UGT1A4: variants seen among roughly 807,000 people sequenced by gnomAD.
UGT1A4 encodes the protein UDP glucuronosyltransferase family 1 member A4.
UGT1A4 carries 32 observed loss-of-function variants against 41.1 expected under a neutral mutation model. That is an observed-to-expected ratio of 0.78 (90% CI 0.59 to 1.05). The LOEUF (loss-of-function observed/expected upper bound fraction) is 1.05. Among genes scored for constraint, UGT1A4 ranks in the 50% least tolerant of loss-of-function variants. The pLI, the probability that UGT1A4 is intolerant of heterozygous loss-of-function variation, is 0.00. For synonymous variants in UGT1A4, 283 were observed against 265.1 expected (o/e 1.07, Z -0.66); for missense variants, 748 against 677.4 (o/e 1.10, Z -1.16).
intron 1 of UGT1A4, chr2:233,747,707 A>C (rs1693758037): frequency 1.2e-6 from 2 of 1,612,800 alleles, no homozygotes; most frequent in East Asian, 4.5e-5. Context: ...CTAAGTACCT[A>C]TCAATTCCTG....
rs34150486 is a variant in UGT1A4, at chr2:233,743,623, G to C, written c.868-23411G>C. The stretch of plus-strand genomic sequence containing the variant: ...GGCCGCCGAAGAACTCCCTGAAGAC[G>C]TCGGCTGGGTCGCGGAAGCTGAAGA... On this transcript the variant is annotated intron_variant, in intron 1 of 4. Coordinates refer to ENST00000373409, the MANE Select transcript of UGT1A4 (RefSeq NM_007120.3). The C allele has an allele frequency of 7.3e-5, 100 of 1,367,326 alleles. 1 individual carries two copies. In the East Asian group the frequency reaches 1.5e-3, roughly 20 times the overall value. The allele number at this position is 1,367,326 out of a possible 1,614,324, so 84.7% of individuals were successfully genotyped here. A position where few individuals can be genotyped will look rare whatever the true frequency, so the allele number is the denominator to read the frequency against.
chr2:233,721,842 C>T (rs2076975101), intron 1 of UGT1A4: 2 of 515,392 alleles, frequency 3.9e-6, no homozygotes, highest in African/African-American at 1.9e-5. Flanking sequence ...GACCTTGTGT[C>T]CAGCCCCACT....
Position 233,769,836 on chromosome 2 carries a change from C to T in UGT1A4, c.1307+1397C>T. ...TGCCACTGCACTCCAGCAACCTGGGCAACAGAGTGAGACCCTGTCTCAAAA... is the reference window on the plus strand; with the variant it reads ...TGCCACTGCACTCCAGCAACCTGGGTAACAGAGTGAGACCCTGTCTCAAAA... On this transcript the variant is annotated intron_variant, in intron 4 of 4. Coordinates refer to ENST00000373409, the MANE Select transcript of UGT1A4 (RefSeq NM_007120.3). This position sits in a 1 kb window ranked among gnomAD's most constrained non-coding sequence, Gnocchi z 4.4. 7.4e-6 allele frequency: 4 copies of T among 538,192 alleles called. No individual in the cohort carries two copies. The highest frequency in any genetic ancestry group is 1.1e-5 in the Non-Finnish European group (4 of 353,822). 33.3% of individuals were successfully genotyped at this position (538,192 alleles called of 1,614,324 possible).
rs149017068 is a variant in UGT1A4, at chr2:233,718,939, C to A, written c.119C>A (p.Pro40His). The change falls in exon 1 of 5, where the codon CCC becomes CAC. Residue 40 changes from proline (P) to histidine (H), a missense_variant. Pro to His is a moderately conservative substitution (Grantham distance 77). Transcript: ENST00000373409. ...KVLVVPTDGSPWLSMREALRE... is the reference protein window; with the variant it reads ...KVLVVPTDGSHWLSMREALRE... ...TTGGTGGTGCCCACTGATGGCAGCC[C>A]CTGGCTCAGCATGCGGGAGGCCTTG... 2.6e-4 allele frequency: 420 copies of A among 1,614,132 alleles called. No homozygotes were observed. Among genetic ancestry groups the A allele is most frequent in the Non-Finnish European group, 3.2e-4 (374 of 1,179,996 alleles).
chr2:233,755,087 T>C (rs758822469), intron 1 of UGT1A4: 3 of 1,335,764 alleles, frequency 2.2e-6, no homozygotes, highest in South Asian at 1.1e-5. Flanking sequence ...AGATATCGCG[T>C]TTCTACGCGT....
chr2:233,746,306 G>A (rs1693354657), intron 1 of UGT1A4, among the ~76,000 whole-genome samples: 2 of 151,750 alleles, frequency 1.3e-5, no homozygotes, highest in Admixed American at 6.5e-5. Flanking sequence ...TTCCCTTGGA[G>A]GGCCCTGTAG....
chr2:233,762,669 A>T (rs1575790989), intron 1 of UGT1A4, among the ~76,000 whole-genome samples: 1 of 150,304 alleles, frequency 6.7e-6, no homozygotes, highest in Non-Finnish European at 1.5e-5. Flanking sequence ...TTTAAAAAAC[A>T]TTTGTTCTGT....
intron 1 of UGT1A4, among the ~76,000 whole-genome samples, chr2:233,738,676 G>T (rs1690872856): frequency 6.6e-6 from 1 of 152,190 alleles, no homozygotes; most frequent in African/African-American, 2.4e-5. Flanking sequence ...GAGATGATCT[G>T]AAATTGGAAC....
chr2:233,762,815 T>C (rs1334118608), intron 1 of UGT1A4, among the ~76,000 whole-genome samples: 4 of 152,182 alleles, frequency 2.6e-5, no homozygotes, highest in Non-Finnish European at 5.9e-5. Flanking sequence ...ATCAAAATAT[T>C]GATTTTCATA....
At chr2:233,755,148 T>TAGC in intron 1 of UGT1A4, 2 of 1,299,464 alleles carry the variant, frequency 1.5e-6, no homozygotes, top group East Asian at 9.2e-5. Context: ...TCTCACCGCT[T>TAGC]CCTCCCTGTC....
intron 1 of UGT1A4, among the ~76,000 whole-genome samples, chr2:233,737,122 TTGTC>T (rs1485045027): frequency 6.6e-6 from 1 of 152,146 alleles, no homozygotes; most frequent in Admixed American, 6.5e-5. Context: ...TGTTCAGAAG[TTGTC>T]TGCTGCCTTT....
rs762751427 is a variant in UGT1A4 at position 233,729,397 on chromosome 2, C to G, written c.867+9710C>G. ...TTCGTGGACCCAGGATGAATTTGAT[C>G]GCCATGTGCTGGGCCACACTCAACT... On this transcript the variant is annotated intron_variant, in intron 1 of 4. Coordinates refer to ENST00000373409, the MANE Select transcript of UGT1A4 (RefSeq NM_007120.3). 2 of 1,613,656 alleles carry G rather than the reference C, an allele frequency of 1.2e-6. No homozygotes were observed. Among genetic ancestry groups the G allele is most frequent in the Non-Finnish European group, 8.5e-7 (1 of 1,179,714 alleles).
At chr2:233,729,885 T>C (rs2077943126) in intron 1 of UGT1A4, 3 of 1,613,802 alleles carry the variant, frequency 1.9e-6, no homozygotes, top group South Asian at 1.1e-5. Context: ...GTCATGCATC[T>C]GTGTGGCTGT....
At chr2:233,724,125 C>T (rs2077171619) in intron 1 of UGT1A4, among the ~76,000 whole-genome samples, 1 of 108,600 alleles carries the variant, frequency 9.2e-6, no homozygotes, top group African/African-American at 4.7e-5. Flanking sequence ...AGGCGCCCCT[C>T]ACCTCCCGGA....
chr2:233,721,385 T>G (rs1270224994), intron 1 of UGT1A4: 1 of 152,820 alleles, frequency 6.5e-6, no homozygotes, highest in Admixed American at 6.5e-5. Context: ...TTCACTCTCA[T>G]TTTTCTAGCT....
In UGT1A4 at chr2:233,752,049, A is replaced by C. The variant is rs1694880379; in HGVS notation, c.868-14985A>C. On this transcript the variant is annotated intron_variant, in intron 1 of 4. Transcript: ENST00000373409. ...TCCTAGAAAGGTAAGCTGTTGTGTG[A>C]ATGATTTCCCGAGATGGGGAAGTCT... Among the ~76,000 whole-genome samples the C allele has an allele frequency of 2.0e-5, 3 of 152,224 alleles. 1 individual carries two copies. The highest frequency in any genetic ancestry group is 7.2e-5 in the African/African-American group (3 of 41,440).
intron 1 of UGT1A4, among the ~76,000 whole-genome samples, chr2:233,723,516 CT>C (rs1162916866): frequency 0.039 from 3,290 of 85,380 alleles, 164 homozygotes; most frequent in African/African-American, 0.1. Flanking sequence ...GGTCAACAAT[CT>C]TTTTTTTTTT....
chr2:233,719,276 C>T lies in UGT1A4; in HGVS notation c.456C>T (p.Asp152=), dbSNP rs749630489. The stretch of plus-strand genomic sequence containing the variant: ...CTTCCTTTGATGTGGTTTTAACAGA[C>T]CCCGTTAACCTCTGTGGGGCGGTGC... ...NATSFDVVLT[D]PVNLCGAVLA... The change falls in exon 1 of 5, where the codon GAC becomes GAT. Residue 152 remains aspartate (D), a synonymous_variant. Transcript: ENST00000373409. The T allele has an allele frequency of 1.9e-6, 3 of 1,614,118 alleles. No homozygotes were observed. Among genetic ancestry groups the T allele is most frequent in the Non-Finnish European group, 2.5e-6 (3 of 1,179,984 alleles).
chr2:233,744,344 C>T (rs1692781957), intron 1 of UGT1A4, among the ~76,000 whole-genome samples: 1 of 151,964 alleles, frequency 6.6e-6, no homozygotes, highest in South Asian at 2.1e-4. Flanking sequence ...CTGACTGGGG[C>T]TGAAGACATC....
Sources: gnomAD v4.1 joint callset for allele counts (sites outside exome capture counted in the v4.1 genomes callset) on GRCh38, gnomAD v4.1.1 for gene constraint, Gnocchi (gnomAD v3.1) non-coding constraint, MANE v1.5 for transcripts, NCBI Gene and HGNC (gene_info 2026-07-23, HGNC 2026-07-21) for gene names.